The following CD34 variants were observed in gnomAD, a reference collection of about 807,000 sequenced individuals.
CD34 encodes the protein hematopoietic progenitor cell antigen CD34.
In CD34, 34 loss-of-function variants were observed where a neutral mutation model predicts 40.1. The ratio of observed to expected loss-of-function variants is 0.85; its 90% CI spans 0.65 to 1.13. CD34 has a LOEUF of 1.13. CD34 is among the 50% of genes most tolerant of loss of function. The probability of loss-of-function intolerance (pLI) is 0.00; values close to 1 mark genes in which losing one functional copy is unlikely to be tolerated. For missense variants in CD34, 426 were observed against 466.9 expected (o/e 0.91, Z 0.81); for synonymous variants, 209 against 190.0 (o/e 1.10, Z -0.82).
At chr1:207,898,878 G>T in intron 3 of CD34, 95 bp downstream of exon 3, 1 of 1,301,228 alleles carries the variant, frequency 7.7e-7, no homozygotes, top group Non-Finnish European at 1.1e-6. Context: ...AATCCCACTG[G>T]CAGGGATGAG....
intron 1 of CD34, among the ~76,000 whole-genome samples, chr1:207,904,021 T>A (rs374062680): frequency 6.6e-6 from 1 of 152,198 alleles, no homozygotes; most frequent in Non-Finnish European, 1.5e-5. Flanking sequence ...AGCAAAGACA[T>A]GTGCAATACA....
intron 1 of CD34, among the ~76,000 whole-genome samples, chr1:207,908,150 C>T (rs535907658): frequency 3.9e-5 from 6 of 152,342 alleles, no homozygotes; most frequent in Non-Finnish European, 5.9e-5. Flanking sequence ...AGTTTATCTG[C>T]TGCAGTTTGG....
intron 4 of CD34, among the ~76,000 whole-genome samples, chr1:207,894,640 G>A (rs1047440286): frequency 3.3e-5 from 5 of 152,032 alleles, no homozygotes; most frequent in Admixed American, 2.6e-4. Flanking sequence ...AACTATTTGG[G>A]GAACCACAAC....
chr1:207,904,858 T>C (rs776029133), intron 1 of CD34, among the ~76,000 whole-genome samples: 3 of 152,204 alleles, frequency 2.0e-5, no homozygotes, highest in Non-Finnish European at 4.4e-5. Flanking sequence ...GGAAAAGCAA[T>C]AGGATTGGAG....
At chr1:207,899,779 C>T in intron 2 of CD34, 42 bp downstream of exon 2, 2 of 1,552,856 alleles carry the variant, frequency 1.3e-6, no homozygotes, top group Non-Finnish European at 1.8e-6. Context: ...ACCCAAGCAT[C>T]ACCAGCATCT....
intron 4 of CD34, among the ~76,000 whole-genome samples, chr1:207,892,550 C>T (rs1662060330): frequency 6.6e-6 from 1 of 151,556 alleles, no homozygotes; most frequent in African/African-American, 2.4e-5. Flanking sequence ...CTACACTCTG[C>T]ACTCCGGCCT....
intron 4 of CD34, among the ~76,000 whole-genome samples, chr1:207,894,350 G>T (rs1417019078): frequency 6.6e-6 from 1 of 152,150 alleles, no homozygotes; most frequent in East Asian, 1.9e-4. Flanking sequence ...CCTAGAGTAG[G>T]CAAAGTCATA....
Position 207,882,398 on chromosome 1 carries a change from A to G in CD34, c.*5340T>C, listed in dbSNP as rs1246505965. ...GAGGGGTGCTAAACAGAATCTTTCA[A>G]TAAGATCCAGTCTTTCAACATAAAT... is the stretch of plus-strand genomic sequence containing the variant. On this transcript the variant is annotated 3_prime_UTR_variant, in exon 8 of 8. Coordinates refer to ENST00000310833, the MANE Select transcript of CD34 (RefSeq NM_001025109.2). 1 of 152,244 alleles carries G rather than the reference A, an allele frequency of 6.6e-6. No individual in the cohort carries two copies. Among genetic ancestry groups the G allele is most frequent in the Non-Finnish European group, 1.5e-5 (1 of 68,040 alleles). 9.4% of individuals were successfully genotyped at this position (152,244 alleles called of 1,614,324 possible). A position where few individuals can be genotyped will look rare whatever the true frequency, so the allele number is the denominator to read the frequency against.
At position 207,883,225 on chromosome 1, in the gene CD34, G is replaced by A. The variant is rs1056876688; in HGVS notation, c.*4513C>T. 1.3e-5 allele frequency: 2 copies of A among 152,158 alleles called. No individual in the cohort carries two copies. The highest frequency in any genetic ancestry group is 1.3e-4 in the Admixed American group (2 of 15,280). 9.4% of individuals were successfully genotyped at this position (152,158 alleles called of 1,614,324 possible). A position where few individuals can be genotyped will look rare whatever the true frequency, so the allele number is the denominator to read the frequency against. On this transcript the variant is annotated 3_prime_UTR_variant, in exon 8 of 8. Coordinates refer to ENST00000310833, the MANE Select transcript of CD34 (RefSeq NM_001025109.2). The stretch of plus-strand genomic sequence containing the variant: ...CCAGAAAACACATTGTCCTTTGACA[G>A]TACCTTATCTTTCCCCATCACTACA...
rs1249599092 is a variant in CD34, at chr1:207,881,646, C to A, written c.*6092G>T. 8.2e-6 allele frequency: 1 copy of A among 122,062 alleles called. No homozygotes were observed. Among genetic ancestry groups the A allele is most frequent in the Non-Finnish European group, 1.6e-5 (1 of 63,452 alleles). 7.6% of individuals were successfully genotyped at this position (122,062 alleles called of 1,614,324 possible). ...CTACACTCCAGCCTGGGTGACAGAG[C>A]GAGACTCCGTCTCAAAAAAAAAAAA... On this transcript the variant is annotated 3_prime_UTR_variant, in exon 8 of 8. Transcript: ENST00000310833.
At position 207,901,262 on chromosome 1, in the gene CD34, A is replaced by G. The variant is rs188658229; in HGVS notation, c.80-1259T>C. The stretch of plus-strand genomic sequence containing the variant: ...CCTGTCCTGCTTCCTGTGAGGACCA[A>G]TCAGGATGTACCCTCTCTTCTAGGT... On this transcript the variant is annotated intron_variant, in intron 1 of 7. Coordinates refer to ENST00000310833, the MANE Select transcript of CD34 (RefSeq NM_001025109.2). 2.6e-5 allele frequency among the ~76,000 whole-genome samples: 4 copies of G among 152,312 alleles called. No individual in the cohort carries two copies. The East Asian group carries it at 7.7e-4, about 29-fold the overall frequency.
chr1:207,889,787 A>G (rs757612464), intron 4 of CD34, 166 bp from the exon 5 acceptor site: 4 of 1,580,148 alleles, frequency 2.5e-6, no homozygotes, highest in South Asian at 1.2e-5. Context: ...GTATATGTGC[A>G]ACAACACAAT....
At chr1:207,899,739 G>C (rs146925043) in intron 2 of CD34, 82 bp downstream of exon 2, 1 of 1,237,818 alleles carries the variant, frequency 8.1e-7, no homozygotes, top group Non-Finnish European at 1.1e-6. Flanking sequence ...TGTGGAGAGG[G>C]GAGCGGTCTG....
chr1:207,900,569 G>A (rs143930636), intron 1 of CD34, among the ~76,000 whole-genome samples: 172 of 152,102 alleles, frequency 1.1e-3, no homozygotes, highest in African/African-American at 3.8e-3. Context: ...GTCTCTATGC[G>A]ATCCCCTTAA....
At position 207,887,455 on chromosome 1, in the gene CD34, G is replaced by C; in HGVS notation, c.*283C>G. On this transcript the variant is annotated 3_prime_UTR_variant, in exon 8 of 8. Coordinates refer to ENST00000310833, the MANE Select transcript of CD34 (RefSeq NM_001025109.2). ...GGGGGTCCTGTGTGAGTGCTGCAAG[G>C]CCATCGATTGTTCCTGGGAGCTTCT... The C allele has an allele frequency of 2.4e-6, 1 of 424,578 alleles. No homozygotes were observed. The highest frequency in any genetic ancestry group is 4.3e-6 in the Non-Finnish European group (1 of 234,388). The allele number at this position is 424,578 out of a possible 1,614,324, so 26.3% of individuals were successfully genotyped here. A position where few individuals can be genotyped will look rare whatever the true frequency, so the allele number is the denominator to read the frequency against.
chr1:207,888,719 A>C lies in CD34; in HGVS notation c.935T>G (p.Met312Arg). ...TGTGGGGCTCCAGCTGCGGCGATTC[A>C]TCAGGAAATAGCCAGTGATGCCCAA... ...AVLGITGYFL[M>R]NRRSWSPTGE... Residue 312 changes from methionine to arginine, a missense_variant, in exon 7 of 8, where the codon ATG becomes AGG. Coordinates refer to ENST00000310833, the MANE Select transcript of CD34 (RefSeq NM_001025109.2). The C allele has an allele frequency of 6.2e-7, 1 of 1,614,192 alleles. No homozygotes were observed. Among genetic ancestry groups the C allele is most frequent in the Non-Finnish European group, 8.5e-7 (1 of 1,180,030 alleles).
At position 207,888,694 on chromosome 1, in the gene CD34, T is replaced by C; in HGVS notation, c.960A>G (p.Thr320=). 1.9e-6 allele frequency: 3 copies of C among 1,614,188 alleles called. No individual in the cohort carries two copies. Among genetic ancestry groups the C allele is most frequent in the Non-Finnish European group, 2.5e-6 (3 of 1,180,038 alleles). ...CCCCAGAACTGACCAGCCTTTCTCC[T>C]GTGGGGCTCCAGCTGCGGCGATTCA... ...FLMNRRSWSP[T]GERLGEDPYY... is the part of the protein sequence containing the mutation. Residue 320 remains threonine (T), a synonymous_variant, in exon 7 of 8, where the codon ACA becomes ACG. Coordinates refer to ENST00000310833, the MANE Select transcript of CD34 (RefSeq NM_001025109.2).
intron 4 of CD34, among the ~76,000 whole-genome samples, chr1:207,893,419 G>A (rs1662076486): frequency 6.6e-6 from 1 of 152,122 alleles, no homozygotes; most frequent in African/African-American, 2.4e-5. Flanking sequence ...ATTTTGGTGT[G>A]AGTTTGACAA....
At chr1:207,909,839 T>C (rs1662464655) in intron 1 of CD34, among the ~76,000 whole-genome samples, 2 of 152,206 alleles carry the variant, frequency 1.3e-5, no homozygotes, top group African/African-American at 4.8e-5. Context: ...CTCTCAGAGC[T>C]TCCTCCAGCC....
Sources: allele counts gnomAD v4.1 joint callset (sites outside exome capture counted in the v4.1 genomes callset), GRCh38; gene constraint gnomAD v4.1.1; transcripts MANE v1.5; gene names NCBI Gene and HGNC (gene_info 2026-07-23, HGNC 2026-07-21).